COL4A5: variants seen among roughly 807,000 people sequenced by gnomAD.
COL4A5 encodes collagen type IV alpha 5 chain, also known as collagen alpha-5(IV) chain.
COL4A5 carries 26 observed loss-of-function variants against 130.2 expected under a neutral mutation model. The observed-to-expected ratio is 0.20, with a 90% CI of 0.15 to 0.28. The LOEUF (loss-of-function observed/expected upper bound fraction) is 0.28, where lower values mean the gene tolerates loss of function less well. COL4A5 is among the 10% of genes least tolerant of loss of function. The pLI, the probability that COL4A5 is intolerant of heterozygous loss-of-function variation, is 1.00. For synonymous variants in COL4A5, 496 were observed against 439.6 expected, an observed-to-expected ratio of 1.13 and a Z score of -1.60; for missense variants, 1,131 against 1,344.3, an observed-to-expected ratio of 0.84 and a Z score of 2.48.
chrX:108,604,935 C>T (rs1010334554), intron 28 of COL4A5, among the ~76,000 whole-genome samples: 36 of 112,017 alleles, frequency 3.2e-4, no homozygotes, highest in African/African-American at 1.1e-3. Flanking sequence ...AGCTTCTTCA[C>T]CTCTCAGTCT....
chrX:108,519,257 A>G (rs956910639), intron 1 of COL4A5, among the ~76,000 whole-genome samples: 15 of 111,418 alleles, frequency 1.3e-4, no homozygotes, highest in African/African-American at 4.9e-4. Context: ...AGCCAGGTCG[A>G]AGATAACTTC....
chrX:108,583,925 C>T (rs2066289348), intron 17 of COL4A5, among the ~76,000 whole-genome samples: 1 of 109,175 alleles, frequency 9.2e-6, no homozygotes, highest in Non-Finnish European at 1.9e-5. Context: ...TCATTAGCTT[C>T]TAAGAGCAAG....
chrX:108,542,793 C>G (rs372533688), intron 2 of COL4A5, among the ~76,000 whole-genome samples: 6,069 of 102,600 alleles, frequency 0.059, 645 homozygotes, highest in African/African-American at 0.22. Context: ...TTTTAATGAT[C>G]GCCATTCTAA....
At chrX:108,473,613 G>A (rs748797069) in intron 1 of COL4A5, among the ~76,000 whole-genome samples, 186 of 46,063 alleles carry the variant, frequency 4.0e-3, no homozygotes, top group Non-Finnish European at 4.9e-3. Context: ...ATATATATAT[G>A]TATATATATA....
chrX:108,614,112 A>G (rs1167118021), intron 29 of COL4A5, among the ~76,000 whole-genome samples: 1 of 112,268 alleles, frequency 8.9e-6, no homozygotes, highest in African/African-American at 3.2e-5. Context: ...ACTGATACAC[A>G]TAACAACATG....
At chrX:108,521,115 C>G (rs1374634973) in intron 1 of COL4A5, among the ~76,000 whole-genome samples, 1 of 111,866 alleles carries the variant, frequency 8.9e-6, no homozygotes, top group African/African-American at 3.2e-5. Context: ...ATAAACATGA[C>G]ATAATTATCA....
intron 36 of COL4A5, among the ~76,000 whole-genome samples, chrX:108,636,568 C>T (rs111922447): frequency 5.0e-3 from 554 of 110,664 alleles, no homozygotes; most frequent in Middle Eastern, 0.023. Flanking sequence ...GATTTGTATA[C>T]AGAATATATA....
In COL4A5 at chrX:108,505,178, G is replaced by C. The variant is rs199720453; in HGVS notation, c.82-34568G>C. Among the ~76,000 whole-genome samples the C allele has an allele frequency of 3.6e-5, 4 of 110,537 alleles. 1 individual carries two copies. In the East Asian group the frequency reaches 1.1e-3, roughly 31 times the overall value. The stretch of plus-strand genomic sequence containing the variant: ...ATTCCCACTTGTAAGTGGGAGTTAA[G>C]CTATGGGTACAGAAAAGCATACAGA... On this transcript the variant is annotated intron_variant, in intron 1 of 52. Transcript: ENST00000328300.
At chrX:108,619,903 T>A (rs1343264715) in intron 30 of COL4A5, among the ~76,000 whole-genome samples, 2 of 112,675 alleles carry the variant, frequency 1.8e-5, no homozygotes, top group Non-Finnish European at 3.8e-5. Flanking sequence ...TAATTGTATC[T>A]GTTGAATATA....
At chrX:108,512,561 C>T (rs2065187717) in intron 1 of COL4A5, among the ~76,000 whole-genome samples, 1 of 109,866 alleles carries the variant, frequency 9.1e-6, no homozygotes, top group African/African-American at 3.3e-5. Flanking sequence ...AGTTTTAAAG[C>T]TGGGCATCCG....
chrX:108,470,488 T>A (rs1168946529), intron 1 of COL4A5, among the ~76,000 whole-genome samples: 2 of 111,946 alleles, frequency 1.8e-5, no homozygotes, highest in Non-Finnish European at 3.8e-5. Context: ...CATTTTTAAA[T>A]GGAGTTATTT....
intron 1 of COL4A5, among the ~76,000 whole-genome samples, chrX:108,516,428 TAAAAC>T (rs748280548): frequency 2.9e-3 from 323 of 112,075 alleles, no homozygotes; most frequent in African/African-American, 0.01. Flanking sequence ...AAGGCCAAGT[TAAAAC>T]AAATAACTAC....
intron 42 of COL4A5, chrX:108,670,692 A>G (rs1334044037): frequency 9.1e-6 from 3 of 328,160 alleles, no homozygotes; most frequent in Admixed American, 3.1e-5. Flanking sequence ...TTTTCAAACT[A>G]TCCCACCTTC....
intron 42 of COL4A5, among the ~76,000 whole-genome samples, chrX:108,673,895 A>G (rs2068253712): frequency 1.8e-5 from 2 of 108,727 alleles, no homozygotes; most frequent in East Asian, 5.8e-4. Context: ...TATGAAAATT[A>G]GCCAGGCGTG....
At chrX:108,547,391 A>G (rs905799508) in intron 2 of COL4A5, among the ~76,000 whole-genome samples, 3 of 111,849 alleles carry the variant, frequency 2.7e-5, no homozygotes, top group African/African-American at 6.5e-5. Flanking sequence ...CCCTGTTTGC[A>G]TGGGTATCAG....
At chrX:108,622,515 T>C (rs982462352) in intron 32 of COL4A5, among the ~76,000 whole-genome samples, 161 bp from the exon 33 acceptor site, 4 of 112,599 alleles carry the variant, frequency 3.6e-5, no homozygotes, top group African/African-American at 1.3e-4. Context: ...AGTATAAAAA[T>C]GTGTATGCAC....
intron 1 of COL4A5, among the ~76,000 whole-genome samples, chrX:108,506,323 A>G (rs1292351950): frequency 9.6e-6 from 1 of 104,242 alleles, no homozygotes; most frequent in Non-Finnish European, 2.0e-5. Context: ...TTTTTTTCCC[A>G]CTAGCCTTTT....
At chrX:108,480,349 G>C (rs1254438938) in intron 1 of COL4A5, among the ~76,000 whole-genome samples, 1 of 112,565 alleles carries the variant, frequency 8.9e-6, no homozygotes, top group Non-Finnish European at 1.9e-5. Flanking sequence ...TGGAATTTTA[G>C]TCGGATTTAT....
chrX:108,593,813 G>A (rs2066471344), intron 21 of COL4A5, among the ~76,000 whole-genome samples: 1 of 111,681 alleles, frequency 9.0e-6, no homozygotes, highest in African/African-American at 3.3e-5. Context: ...AATTACTGTG[G>A]CTTTATTGTA....
Sources: gnomAD v4.1 joint callset for allele counts (sites outside exome capture counted in the v4.1 genomes callset) on GRCh38, gnomAD v4.1.1 for gene constraint, MANE v1.5 for transcripts, NCBI Gene and HGNC (gene_info 2026-07-23, HGNC 2026-07-21) for gene names.